Variants in SLC15A1 observed in about 807,000 individuals in gnomAD.
The protein encoded by SLC15A1 is Caco-2 oligopeptide transporter.
SLC15A1 carries 83 observed loss-of-function variants against 92.9 expected under a neutral mutation model. The ratio of observed to expected loss-of-function variants is 0.89; its 90% CI spans 0.75 to 1.07. SLC15A1 has a LOEUF of 1.07. Among genes scored for constraint, SLC15A1 ranks in the 50% least tolerant of loss-of-function variants. SLC15A1 has a pLI of 0.00. For missense variants in SLC15A1, 857 were observed against 880.1 expected (o/e 0.97, Z 0.33); for synonymous variants, 322 against 318.2 (o/e 1.01, Z -0.13).
Position 98,684,477 on chromosome 13 carries a change from G to T in SLC15A1, c.*247C>A, listed in dbSNP as rs549407402. ...GGAGAATTACTTGAACCTGGGAGGC[G>T]GAGGTTGCAGTGAGCTGAGATCGTG... is the stretch of plus-strand genomic sequence containing the variant. On this transcript the variant is annotated 3_prime_UTR_variant, in exon 23 of 23. Transcript: ENST00000376503. 3 of 298,830 alleles carry T rather than the reference G, an allele frequency of 1.0e-5. No homozygotes were observed. Among genetic ancestry groups the T allele is most frequent in the Non-Finnish European group, 1.9e-5 (3 of 162,150 alleles). The allele number at this position is 298,830 out of a possible 1,614,324, so 18.5% of individuals were successfully genotyped here.
At chr13:98,740,361 G>GAACCTTGCTCCCA (rs923851763) in intron 1 of SLC15A1, among the ~76,000 whole-genome samples, 3 of 152,208 alleles carry the variant, frequency 2.0e-5, no homozygotes, top group African/African-American at 4.8e-5. Context: ...CCCCAGTGGA[G>GAACCTTGCTCCCA]AACCTTGCTC....
At chr13:98,723,592 C>T (rs2088276254) in intron 5 of SLC15A1, among the ~76,000 whole-genome samples, 3 of 152,214 alleles carry the variant, frequency 2.0e-5, no homozygotes, top group Admixed American at 2.0e-4. Context: ...TGTGAAGGAT[C>T]AAGGTCTGTG....
chr13:98,711,041 C>T (rs1344269839), intron 11 of SLC15A1, among the ~76,000 whole-genome samples: 1 of 151,958 alleles, frequency 6.6e-6, no homozygotes, highest in African/African-American at 2.4e-5. Flanking sequence ...CACTGCCTCC[C>T]GGGTCTGTCT....
In SLC15A1 at chr13:98,723,982, A is replaced by G. The variant is rs2088279440; in HGVS notation, c.295T>C (p.Ser99Pro). ...IVYTIGQAVTSVSSINDLTDH... is the reference protein window; with the variant it reads ...IVYTIGQAVTPVSSINDLTDH... The stretch of plus-strand genomic sequence containing the variant: ...GTGAGGTCATTAATGGAGCTTACTG[A>G]GGTGACTGCTTGTCCAATTGTGTAG... The change falls in exon 5 of 23, where the codon TCA becomes CCA. Residue 99 changes from serine (S) to proline (P), a missense_variant. By Grantham distance (74) the Ser-to-Pro change is moderately conservative (BLOSUM62 -1). Transcript: ENST00000376503. The G allele has an allele frequency of 6.2e-7, 1 of 1,614,068 alleles. No individual in the cohort carries two copies. Among genetic ancestry groups the G allele is most frequent in the African/African-American group, 1.3e-5 (1 of 74,930 alleles).
intron 16 of SLC15A1, among the ~76,000 whole-genome samples, chr13:98,705,744 T>G (rs1179682070): frequency 6.6e-6 from 1 of 151,990 alleles, no homozygotes; most frequent in South Asian, 2.1e-4. Context: ...ATACAAAAAT[T>G]AGCTGGGTGT....
In SLC15A1 at chr13:98,726,225, T is replaced by G; in HGVS notation, c.143A>C (p.Asp48Ala). 1 of 1,613,962 alleles carries G rather than the reference T, an allele frequency of 6.2e-7. No individual in the cohort carries two copies. Among genetic ancestry groups the G allele is most frequent in the Non-Finnish European group, 8.5e-7 (1 of 1,180,000 alleles). Residue 48 changes from aspartate (D) to alanine (A), a missense_variant, in exon 4 of 23, where the codon GAT becomes GCT. Physicochemically the swap from Asp to Ala is moderately radical, Grantham distance 126. Coordinates refer to ENST00000376503, the MANE Select transcript of SLC15A1 (RefSeq NM_005073.4). Reference protein sequence around the residue: ...ILYFTNFISWDDNLSTAIYHT... With the variant: ...ILYFTNFISWADNLSTAIYHT... ...GTAGATGGCGGTGGACAGGTTATCA[T>G]CCCAGCTGATGAAATTTGTGAAGTA...
At chr13:98,693,555 T>A (rs2087999264) in intron 18 of SLC15A1, among the ~76,000 whole-genome samples, 1 of 152,236 alleles carries the variant, frequency 6.6e-6, no homozygotes, top group South Asian at 2.1e-4. Context: ...GTGCCCATTT[T>A]AAAAATTGGG....
At chr13:98,704,238 C>T (rs1415821524) in intron 17 of SLC15A1, 51 bp downstream of exon 17, 1 of 1,505,724 alleles carries the variant, frequency 6.6e-7, no homozygotes, top group African/African-American at 1.4e-5. Flanking sequence ...AAATTTTGGC[C>T]TCCAGTATCA....
intron 1 of SLC15A1, 100 bp from the exon 2 acceptor site, chr13:98,726,959 G>A (rs2088307163): frequency 1.8e-6 from 2 of 1,114,920 alleles, no homozygotes; most frequent in South Asian, 2.6e-5. Flanking sequence ...TGGTCAGAGG[G>A]GCCATTCACC....
intron 1 of SLC15A1, among the ~76,000 whole-genome samples, chr13:98,738,181 G>A: frequency 6.6e-6 from 1 of 152,206 alleles, no homozygotes; most frequent in East Asian, 1.9e-4. Context: ...ATGACTTAAA[G>A]CTAGAACTTA....
rs113842279 is a variant in SLC15A1, at chr13:98,686,476, C to T, written c.1828-179G>A. The stretch of plus-strand genomic sequence containing the variant: ...AACAAGACACCCAAACATGCACAGA[C>T]GAGTAGACAAGAATTCCTGTGTTTC... On this transcript the variant is annotated intron_variant, in intron 21 of 22. Transcript: ENST00000376503. 9.1e-3 allele frequency among the ~76,000 whole-genome samples: 1,390 copies of T among 152,310 alleles called. 37 individuals are homozygous for T. Among genetic ancestry groups the T allele is most frequent in the African/African-American group, 0.03 (1,266 of 41,562 alleles).
chr13:98,715,818 G>A, intron 9 of SLC15A1, 60 bp downstream of exon 9: 1 of 1,338,976 alleles, frequency 7.5e-7, no homozygotes, highest in East Asian at 2.3e-5. Flanking sequence ...TTAATTTAAA[G>A]AAAGTAGAAG....
rs778414198 is a variant in SLC15A1, at chr13:98,719,252, T to C, written c.625A>G (p.Met209Val). The C allele has an allele frequency of 1.1e-5, 17 of 1,613,276 alleles. No individual in the cohort carries two copies. In the African/African-American group the frequency reaches 1.7e-4, roughly 16 times the overall value. The change falls in exon 8 of 23, where the codon ATG becomes GTG. Residue 209 changes from methionine to valine, a missense_variant. By Grantham distance (21) the Met-to-Val change is conservative (BLOSUM62 1). Coordinates refer to ENST00000376503, the MANE Select transcript of SLC15A1 (RefSeq NM_005073.4). ...PLAFGVPAAL[M>V]AVALIVFVLG... is the part of the protein sequence containing the mutation. Reference sequence around the variant, plus strand: ...TTCCACTTACTCAGGGCTACAGCCATGAGAGCAGCAGGAACCCCAAAGGCC... The same window carrying C: ...TTCCACTTACTCAGGGCTACAGCCACGAGAGCAGCAGGAACCCCAAAGGCC...
Position 98,723,916 on chromosome 13 carries a change from G to GCA in SLC15A1, c.359_360dup (p.His121CysfsTer7), listed in dbSNP as rs750324540. 6.2e-7 allele frequency: 1 copy of GCA among 1,614,160 alleles called. No individual in the cohort carries two copies. Among genetic ancestry groups the GCA allele is most frequent in the Non-Finnish European group, 8.5e-7 (1 of 1,179,990 alleles). On this transcript the variant is annotated frameshift_variant, in exon 5 of 23. Coordinates refer to ENST00000376503, the MANE Select transcript of SLC15A1 (RefSeq NM_005073.4). LOFTEE classifies it high-confidence loss of function. Reference sequence around the variant, plus strand: ...CAGCAGTGAGCACCAACTCACACGTGCACAGGAAGGCTGTCGGGGGTGCCA... The same window carrying GCA: ...CAGCAGTGAGCACCAACTCACACGTGCACACAGGAAGGCTGTCGGGGGTGCCA...
chr13:98,725,214 CA>C (rs753536200), intron 4 of SLC15A1, among the ~76,000 whole-genome samples: 86 of 152,310 alleles, frequency 5.6e-4, no homozygotes, highest in Non-Finnish European at 1.1e-3. Flanking sequence ...GCAGAATCAT[CA>C]ACCAAATATA....
At chr13:98,688,186 G>A in intron 20 of SLC15A1, 62 bp downstream of exon 20, 1 of 1,091,286 alleles carries the variant, frequency 9.2e-7, no homozygotes, top group South Asian at 1.4e-5. Context: ...CTAAGTGTTT[G>A]TGAGTCTTCA....
At chr13:98,687,350 G>C (rs1304483183) in intron 21 of SLC15A1, among the ~76,000 whole-genome samples, 1 of 152,058 alleles carries the variant, frequency 6.6e-6, no homozygotes, top group Non-Finnish European at 1.5e-5. Context: ...TATGACTGTG[G>C]GGCTATGGAC....
chr13:98,687,477 A>G, intron 21 of SLC15A1, 104 bp downstream of exon 21: 1 of 1,382,092 alleles, frequency 7.2e-7, no homozygotes, highest in Non-Finnish European at 1.0e-6. Flanking sequence ...TGCTTTCTAG[A>G]CTTTTTAAAA....
intron 9 of SLC15A1, among the ~76,000 whole-genome samples, chr13:98,714,063 A>T: frequency 6.6e-6 from 1 of 150,836 alleles, no homozygotes; most frequent in East Asian, 1.9e-4. Context: ...AAAAAGGAAA[A>T]AAAAAAAAAA....
Sources: allele counts gnomAD v4.1 joint callset (sites outside exome capture counted in the v4.1 genomes callset), GRCh38; gene constraint gnomAD v4.1.1; transcripts MANE v1.5; gene names NCBI Gene and HGNC (gene_info 2026-07-23, HGNC 2026-07-21).